PDE7A: variants seen among roughly 807,000 people sequenced by gnomAD.
PDE7A encodes the protein phosphodiesterase 7A.
PDE7A carries 39 observed loss-of-function variants against 64.3 expected under a neutral mutation model. That is an observed-to-expected ratio of 0.61 (90% CI 0.47 to 0.79). PDE7A has a LOEUF of 0.79. Ranked by LOEUF, PDE7A falls within the 30% of genes least tolerant of loss-of-function variation. The probability of loss-of-function intolerance (pLI) is 0.00; values close to 1 mark genes in which losing one functional copy is unlikely to be tolerated. For missense variants in PDE7A, 470 were observed against 582.8 expected (o/e 0.81, Z 1.99); for synonymous variants, 203 against 206.8 (o/e 0.98, Z 0.16).
At chr8:65,838,959 C>A (rs1264464276) in intron 1 of PDE7A, among the ~76,000 whole-genome samples, 1 of 152,220 alleles carries the variant, frequency 6.6e-6, no homozygotes, top group African/African-American at 2.4e-5. Context: ...TTATGGTCTG[C>A]AGTTACAAGT....
At chr8:65,838,635 G>C (rs1441511211) in intron 1 of PDE7A, 1 of 152,114 alleles carries the variant, frequency 6.6e-6, no homozygotes, top group Non-Finnish European at 1.5e-5. Context: ...TTAAAAACAG[G>C]CTCTATTAAC....
At chr8:65,758,142 T>A (rs1418535471) in intron 3 of PDE7A, among the ~76,000 whole-genome samples, 2 of 152,190 alleles carry the variant, frequency 1.3e-5, no homozygotes, top group African/African-American at 4.8e-5. Flanking sequence ...TTCCCATTCA[T>A]AGAGGGTAGG....
intron 1 of PDE7A, among the ~76,000 whole-genome samples, chr8:65,837,880 C>A (rs1198075045): frequency 6.6e-6 from 1 of 152,132 alleles, no homozygotes; most frequent in Non-Finnish European, 1.5e-5. Context: ...GTCTCCGTGT[C>A]GGCACTCAGA....
At chr8:65,836,828 G>A (rs1810962165) in intron 1 of PDE7A, among the ~76,000 whole-genome samples, 1 of 152,156 alleles carries the variant, frequency 6.6e-6, no homozygotes, top group Admixed American at 6.5e-5. Context: ...ACTATCATCA[G>A]ATAGTGCAAA....
rs1220487425 is a variant in PDE7A at position 65,715,910 on chromosome 8, T to G, written c.*3380A>C. Among the ~76,000 whole-genome samples the G allele has an allele frequency of 7.2e-6, 1 of 138,584 alleles. No individual in the cohort carries two copies. The highest frequency in any genetic ancestry group is 2.2e-4 in the East Asian group (1 of 4,588). The allele number at this position is 138,584 out of a possible 152,430, so 90.9% of individuals were successfully genotyped here. ...GACTGAGGCAGGAGAATGAGGAGAA[T>G]GGCGTGAACCCGGGAGGCGGAACTT... On this transcript the variant is annotated 3_prime_UTR_variant, in exon 13 of 13. Coordinates refer to ENST00000401827, the MANE Select transcript of PDE7A (RefSeq NM_001242318.3).
chr8:65,743,507 A>G (rs1401697954), intron 5 of PDE7A, among the ~76,000 whole-genome samples: 2 of 152,196 alleles, frequency 1.3e-5, no homozygotes, highest in Non-Finnish European at 2.9e-5. Context: ...CTGTCTTCAC[A>G]ATTTTGCCTA....
chr8:65,839,215 CT>C (rs111962307), intron 1 of PDE7A, among the ~76,000 whole-genome samples: 6 of 141,624 alleles, frequency 4.2e-5, no homozygotes, highest in East Asian at 1.9e-4. Flanking sequence ...TACTTAATGT[CT>C]TTTTTTTAAA....
At position 65,719,357 on chromosome 8, in the gene PDE7A, C is replaced by A; in HGVS notation, c.1382G>T (p.Ser461Ile). Reference sequence around the variant, plus strand: ...CTCAAATGCAGCATCAGTGTCCTCACTGCTCGACTGTTCTCTCTGCAGTCC... The same window carrying A: ...CTCAAATGCAGCATCAGTGTCCTCAATGCTCGACTGTTCTCTCTGCAGTCC... ...WKGLQREQSS[S>I]EDTDAAFELN... Residue 461 changes from serine (S) to isoleucine (I), a missense_variant, in exon 13 of 13, where the codon AGT becomes ATT. Ser to Ile is a moderately radical substitution (Grantham distance 142). Transcript: ENST00000401827. 1 of 1,614,150 alleles carries A rather than the reference C, an allele frequency of 6.2e-7. No homozygotes were observed. Among genetic ancestry groups the A allele is most frequent in the Non-Finnish European group, 8.5e-7 (1 of 1,179,972 alleles).
Position 65,798,206 on chromosome 8 carries a change from A to ATATAT in PDE7A, c.139-15364_139-15363insATATA. On this transcript the variant is annotated intron_variant, in intron 1 of 12. Coordinates refer to ENST00000401827, the MANE Select transcript of PDE7A (RefSeq NM_001242318.3). ...TATATATATATATATATATATATATATTTTTTTTTTTTTGAGATGGAGTCT... is the reference window on the plus strand; with the variant it reads ...TATATATATATATATATATATATATATATATTTTTTTTTTTTTTGAGATGGAGTCT... Among the ~76,000 whole-genome samples, 488 of 73,782 alleles carry ATATAT rather than the reference A, an allele frequency of 6.6e-3. 5 individuals are homozygous for ATATAT. Among genetic ancestry groups the ATATAT allele is most frequent in the African/African-American group, 7.7e-3 (132 of 17,150 alleles). 48.4% of individuals were successfully genotyped at this position (73,782 alleles called of 152,430 possible).
intron 4 of PDE7A, among the ~76,000 whole-genome samples, chr8:65,746,685 T>G (rs978529851): frequency 2.6e-5 from 4 of 152,178 alleles, no homozygotes; most frequent in Non-Finnish European, 5.9e-5. Context: ...ATACTACTAG[T>G]AGAAATCATT....
intron 1 of PDE7A, among the ~76,000 whole-genome samples, chr8:65,795,668 G>C (rs1350947177): frequency 6.6e-6 from 1 of 152,120 alleles, no homozygotes; most frequent in Non-Finnish European, 1.5e-5. Context: ...AGCCCTATCA[G>C]AAACACTAAC....
At chr8:65,765,345 C>T (rs1192167945) in intron 3 of PDE7A, among the ~76,000 whole-genome samples, 9 of 150,480 alleles carry the variant, frequency 6.0e-5, no homozygotes, top group South Asian at 2.1e-4. Flanking sequence ...AAAAATTAGC[C>T]GGGCGTAGTG....
intron 3 of PDE7A, among the ~76,000 whole-genome samples, chr8:65,771,782 G>A (rs1474609986): frequency 6.6e-6 from 1 of 150,858 alleles, no homozygotes; most frequent in African/African-American, 2.4e-5. Flanking sequence ...GGCTGAGGCA[G>A]GAGAATCGCT....
chr8:65,812,116 A>G (rs1343720997), intron 1 of PDE7A, among the ~76,000 whole-genome samples: 1 of 151,062 alleles, frequency 6.6e-6, no homozygotes, highest in Non-Finnish European at 1.5e-5. Context: ...CTGAGGTGGG[A>G]GGATCATTTG....
chr8:65,772,941 G>C (rs1451689290), intron 3 of PDE7A, among the ~76,000 whole-genome samples: 5 of 152,264 alleles, frequency 3.3e-5, no homozygotes, highest in Non-Finnish European at 7.4e-5. Context: ...CTGGGAGACG[G>C]AGGCTGCAGT....
At chr8:65,719,940 T>C (rs889152633) in intron 12 of PDE7A, among the ~76,000 whole-genome samples, 1 of 152,230 alleles carries the variant, frequency 6.6e-6, no homozygotes. Flanking sequence ...AGTAGTCTAC[T>C]GCTTTACCCC....
intron 3 of PDE7A, among the ~76,000 whole-genome samples, chr8:65,769,105 G>A (rs139369145): frequency 0.016 from 2,480 of 151,908 alleles, 67 homozygotes; most frequent in African/African-American, 0.056. Flanking sequence ...AAAATTAGCC[G>A]GGCGTGATGG....
In PDE7A at chr8:65,719,365, C is replaced by G. The variant is rs1243713287; in HGVS notation, c.1374G>C (p.Gln458His). ...CAGCATCAGTGTCCTCACTGCTCGA[C>G]TGTTCTCTCTGCAGTCCCTTCCAGC... The part of the protein sequence containing the change: ...KASWKGLQRE[Q>H]SSSEDTDAAF... Residue 458 changes from glutamine to histidine, a missense_variant, in exon 13 of 13, where the codon CAG becomes CAC. By Grantham distance (24) the Gln-to-His change is conservative. Transcript: ENST00000401827. 1.9e-6 allele frequency: 3 copies of G among 1,613,974 alleles called. No homozygotes were observed. Among genetic ancestry groups the G allele is most frequent in the Non-Finnish European group, 2.5e-6 (3 of 1,179,936 alleles).
intron 3 of PDE7A, among the ~76,000 whole-genome samples, chr8:65,757,378 G>A (rs866040195): frequency 1.3e-5 from 2 of 152,180 alleles, no homozygotes; most frequent in South Asian, 4.2e-4. Flanking sequence ...TTCATACATG[G>A]ATCCTTTAAA....
Sources: gnomAD v4.1 joint callset for allele counts (sites outside exome capture counted in the v4.1 genomes callset) on GRCh38, gnomAD v4.1.1 for gene constraint, MANE v1.5 for transcripts, NCBI Gene and HGNC (gene_info 2026-07-23, HGNC 2026-07-21) for gene names.